The following SLC39A12 variants were observed in gnomAD, a reference collection of about 807,000 sequenced individuals.
The protein encoded by SLC39A12 is zinc transporter ZIP12.
Under a neutral mutation model 71.1 loss-of-function variants are expected in SLC39A12, and 63 were observed. That is an observed-to-expected ratio of 0.89 (90% CI 0.72 to 1.09). SLC39A12 has a LOEUF of 1.09. Among genes scored for constraint, SLC39A12 ranks in the 50% least tolerant of loss-of-function variants. SLC39A12 has a pLI of 0.00. For missense variants in SLC39A12, 892 were observed against 812.6 expected, an observed-to-expected ratio of 1.10 and a Z score of -1.19; for synonymous variants, 351 against 301.3, an observed-to-expected ratio of 1.16 and a Z score of -1.71.
intron 8 of SLC39A12, among the ~76,000 whole-genome samples, chr10:17,991,623 C>T (rs1835549775): frequency 6.6e-6 from 1 of 152,106 alleles, no homozygotes; most frequent in South Asian, 2.1e-4. Flanking sequence ...TCTTTCTTAA[C>T]CTAAACAAAT....
In SLC39A12 at chr10:18,000,818, T is replaced by C. The variant is rs764621964; in HGVS notation, c.1752T>C (p.His584=). The C allele has an allele frequency of 6.2e-7, 1 of 1,613,856 alleles. No individual in the cohort carries two copies. The highest frequency in any genetic ancestry group is 1.1e-5 in the South Asian group (1 of 90,972). Residue 584 remains histidine (H), a synonymous_variant, in exon 11 of 13, where the codon CAT becomes CAC. Transcript: ENST00000377369. The part of the protein sequence containing the change: ...TIAILCHEIP[H]EMGDFAVLLS... ...CTATCTTGTGTCATGAAATCCCACATGAAATGGGTAAGTTCAACAATGGAA... is the reference window on the plus strand; with the variant it reads ...CTATCTTGTGTCATGAAATCCCACACGAAATGGGTAAGTTCAACAATGGAA...
chr10:18,043,225 G>C lies in SLC39A12; in HGVS notation c.*392G>C, dbSNP rs1297431337. The C allele has an allele frequency of 6.5e-6, 1 of 154,032 alleles. No individual in the cohort carries two copies. The highest frequency in any genetic ancestry group is 1.4e-5 in the Non-Finnish European group (1 of 69,222). 9.5% of individuals were successfully genotyped at this position (154,032 alleles called of 1,614,324 possible). The stretch of plus-strand genomic sequence containing the variant: ...CTTTTTGATGTTAATTTTTTTCCCT[G>C]TGCAATTATAAACTATAAGCAAGTT... On this transcript the variant is annotated 3_prime_UTR_variant, in exon 13 of 13. Transcript: ENST00000377369.
intron 9 of SLC39A12, 53 bp from the exon 10 acceptor site, chr10:17,995,603 C>A: frequency 1.3e-6 from 2 of 1,517,528 alleles, no homozygotes; most frequent in South Asian, 1.2e-5. Flanking sequence ...CATTTTTCAA[C>A]AAAATGATGG....
intron 6 of SLC39A12, among the ~76,000 whole-genome samples, chr10:17,982,224 T>C (rs1031401440): frequency 1.3e-5 from 2 of 152,152 alleles, no homozygotes; most frequent in African/African-American, 4.8e-5. Context: ...CACTGAGTCA[T>C]TGCAATAGAT....
At chr10:18,013,716 G>C (rs978538014) in intron 12 of SLC39A12, among the ~76,000 whole-genome samples, 4 of 152,050 alleles carry the variant, frequency 2.6e-5, no homozygotes, top group Non-Finnish European at 4.4e-5. Context: ...ACCATCTCTT[G>C]AAAGGACTCT....
rs1302170762 is a variant in SLC39A12 at position 18,035,216 on chromosome 10, TCTC to T, written c.1948-7486_1948-7484del. Among the ~76,000 whole-genome samples, 8 of 148,068 alleles carry T rather than the reference TCTC, an allele frequency of 5.4e-5. No individual in the cohort carries two copies. In the East Asian group the frequency reaches 1.6e-3, roughly 29 times the overall value. ...GCCTGCCTTGCTAGATTGGGGAAGT[TCTC>T]CTGGATAATATCCTGCAGAGTGTTT... On this transcript the variant is annotated intron_variant, in intron 12 of 12. Coordinates refer to ENST00000377369, the MANE Select transcript of SLC39A12 (RefSeq NM_001145195.2).
chr10:17,976,590 A>T (rs1379765616), intron 4 of SLC39A12, among the ~76,000 whole-genome samples: 2 of 151,684 alleles, frequency 1.3e-5, no homozygotes, highest in Admixed American at 1.3e-4. Flanking sequence ...GCTAATTTTT[A>T]TATATATATT....
At position 17,984,015 on chromosome 10, in the gene SLC39A12, T is replaced by C. The variant is rs1158609107; in HGVS notation, c.1096+2532T>C. 2.6e-5 allele frequency among the ~76,000 whole-genome samples: 4 copies of C among 152,164 alleles called. No homozygotes were observed. In the East Asian group the frequency reaches 7.7e-4, roughly 29 times the overall value. ...TCGATTAAGTTTCCAGGAAAGAGTA[T>C]TATGGCCATGTACAAATTAAGTTTC... On this transcript the variant is annotated intron_variant, in intron 6 of 12. Coordinates refer to ENST00000377369, the MANE Select transcript of SLC39A12 (RefSeq NM_001145195.2).
chr10:17,991,346 T>C (rs776559919), intron 8 of SLC39A12, 43 bp downstream of exon 8: 5 of 1,471,886 alleles, frequency 3.4e-6, no homozygotes, highest in East Asian at 2.4e-5. Context: ...TAAAGTCTTA[T>C]AATACATTCA....
At chr10:17,953,117 AC>A (rs1834446141) in intron 1 of SLC39A12, 73 bp from the exon 2 acceptor site, 1 of 918,442 alleles carries the variant, frequency 1.1e-6, no homozygotes, top group Non-Finnish European at 1.6e-6. Context: ...CAGCTTAGCC[AC>A]CCAATTAATG....
rs763211521 is a variant in SLC39A12 at position 18,038,018 on chromosome 10, CAAAAAAAAAAAAAAAAAAAAA to C, written c.1948-4674_1948-4654del. On this transcript the variant is annotated intron_variant, in intron 12 of 12. Transcript: ENST00000377369. ...CTAGTGACAGAGTGAGCCTCCATCT[CAAAAAAAAAAAAAAAAAAAAA>C]AAAAAAAAAAAAGCACAGCTAACTG... 8.2e-3 allele frequency among the ~76,000 whole-genome samples: 123 copies of C among 14,974 alleles called. 4 individuals are homozygous for C. Among genetic ancestry groups the C allele is most frequent in the Admixed American group, 0.023 (18 of 774 alleles). The allele number at this position is 14,974 out of a possible 152,430, so 9.8% of individuals were successfully genotyped here.
At chr10:17,994,379 A>G (rs989463612) in intron 9 of SLC39A12, among the ~76,000 whole-genome samples, 1 of 152,176 alleles carries the variant, frequency 6.6e-6, no homozygotes, top group South Asian at 2.1e-4. Context: ...GGAGTGTTTG[A>G]TGAGTTTAAT....
intron 2 of SLC39A12, among the ~76,000 whole-genome samples, chr10:17,954,702 C>T (rs1400875773): frequency 1.3e-5 from 2 of 152,002 alleles, no homozygotes; most frequent in Non-Finnish European, 2.9e-5. Context: ...TCCTGACCCA[C>T]GAGATTTTTT....
chr10:18,026,748 T>G (rs1836688547), intron 12 of SLC39A12, among the ~76,000 whole-genome samples: 1 of 152,136 alleles, frequency 6.6e-6, no homozygotes, highest in Admixed American at 6.5e-5. Flanking sequence ...TTTTCAAGTT[T>G]GTTTTGTAAA....
chr10:17,965,536 T>C lies in SLC39A12; in HGVS notation c.597T>C (p.Gly199=). Residue 199 remains glycine (G), a synonymous_variant, in exon 4 of 13, where the codon GGT becomes GGC. Transcript: ENST00000377369. ...QKKSGIVSSE[G]ANESTLPQLA... is the part of the protein sequence containing the mutation. The stretch of plus-strand genomic sequence containing the variant: ...AATCTGGAATAGTGAGCAGTGAAGG[T>C]GCTAATGAAAGTACGCTTCCTCAGT... The C allele has an allele frequency of 6.2e-7, 1 of 1,614,176 alleles. No individual in the cohort carries two copies. The highest frequency in any genetic ancestry group is 1.3e-5 in the African/African-American group (1 of 75,046).
At chr10:18,028,836 C>G (rs1460123652) in intron 12 of SLC39A12, among the ~76,000 whole-genome samples, 1 of 152,106 alleles carries the variant, frequency 6.6e-6, no homozygotes, top group Non-Finnish European at 1.5e-5. Flanking sequence ...CCTCCAGCCT[C>G]AGCCTCCCGA....
chr10:18,038,627 G>A (rs987389117), intron 12 of SLC39A12, among the ~76,000 whole-genome samples: 6 of 151,598 alleles, frequency 4.0e-5, no homozygotes, highest in African/African-American at 1.2e-4. Context: ...ACTCCAGCCT[G>A]GGCCACAAGA....
chr10:18,016,851 T>A (rs1434352140), intron 12 of SLC39A12, among the ~76,000 whole-genome samples: 3 of 152,122 alleles, frequency 2.0e-5, no homozygotes, highest in Non-Finnish European at 2.9e-5. Context: ...CTTTGGGGAG[T>A]CTCTATTCAG....
At chr10:18,033,981 T>G (rs1836926117) in intron 12 of SLC39A12, among the ~76,000 whole-genome samples, 1 of 148,166 alleles carries the variant, frequency 6.7e-6, no homozygotes, top group African/African-American at 2.5e-5. Flanking sequence ...TTCTTAATCC[T>G]GAGTTCTAGT....
Sources: allele counts gnomAD v4.1 joint callset (sites outside exome capture counted in the v4.1 genomes callset), GRCh38; gene constraint gnomAD v4.1.1; transcripts MANE v1.5; gene names NCBI Gene and HGNC (gene_info 2026-07-23, HGNC 2026-07-21).